Variants in UBE2D2 observed in about 807,000 individuals in gnomAD.
The protein encoded by UBE2D2 is ubiquitin conjugating enzyme E2 D2.
Under a neutral mutation model 24.2 loss-of-function variants are expected in UBE2D2, and 2 were observed. That is an observed-to-expected ratio of 0.08 (90% CI 0.03 to 0.26). The LOEUF is 0.26. Among genes scored for constraint, UBE2D2 ranks in the 10% least tolerant of loss-of-function variants. UBE2D2 has a pLI of 1.00. For synonymous variants in UBE2D2, 58 were observed against 56.5 expected, an observed-to-expected ratio of 1.03 and a Z score of -0.12; for missense variants, 44 against 177.6, an observed-to-expected ratio of 0.25 and a Z score of 4.28.
intron 4 of UBE2D2, 29 bp downstream of exon 4, chr5:139,614,803 A>G (rs369095302): frequency 1.9e-6 from 3 of 1,612,664 alleles, no homozygotes; most frequent in Admixed American, 1.7e-5. Flanking sequence ...GCAGTTTTTA[A>G]TGTACTTTCT....
chr5:139,609,699 A>T lies in UBE2D2; in HGVS notation c.89-4887A>T, dbSNP rs560432729. On this transcript the variant is annotated intron_variant, in intron 2 of 6. Transcript: ENST00000398733. ...CATCTCTATTTAAAAAAAAAAAAAA[A>T]TTAATATTTTATTAAGTGCTTTCTT... Among the ~76,000 whole-genome samples, 1,430 of 150,288 alleles carry T rather than the reference A, an allele frequency of 9.5e-3. 20 individuals are homozygous for T. The highest frequency in any genetic ancestry group is 0.032 in the African/African-American group (1,319 of 41,068).
chr5:139,565,072 C>T (rs1753189724), intron 1 of UBE2D2, among the ~76,000 whole-genome samples: 1 of 152,104 alleles, frequency 6.6e-6, no homozygotes. Context: ...CTTGAACCTT[C>T]CCAATTATCA....
intron 1 of UBE2D2, among the ~76,000 whole-genome samples, chr5:139,546,304 A>G (rs1752825644): frequency 6.6e-6 from 1 of 152,028 alleles, no homozygotes; most frequent in Admixed American, 6.6e-5. Context: ...GGCTTCCCAA[A>G]GTGCTGGGAT....
At chr5:139,560,199 ATTT>A (rs34150521), upstream of UBE2D2, among the ~76,000 whole-genome samples, 9 of 107,318 alleles carry the variant, frequency 8.4e-5, no homozygotes, top group African/African-American at 1.1e-4. Flanking sequence ...ACTCTCGGCT[ATTT>A]TTTTTTTTTT....
chr5:139,526,299 C>T (rs1416602349), upstream of UBE2D2: 2 of 152,338 alleles, frequency 1.3e-5, no homozygotes, highest in East Asian at 1.9e-4. Flanking sequence ...GCCCTTCCTT[C>T]TACAACTTGG....
chr5:139,626,360 A>T (rs1226019495), intron 6 of UBE2D2, among the ~76,000 whole-genome samples: 1 of 152,220 alleles, frequency 6.6e-6, no homozygotes, highest in Non-Finnish European at 1.5e-5. Flanking sequence ...GTGAGCCAAC[A>T]TGCCCAGCCT....
upstream of UBE2D2, among the ~76,000 whole-genome samples, chr5:139,559,855 G>A (rs1581489937): frequency 6.6e-6 from 1 of 152,176 alleles, no homozygotes; most frequent in Admixed American, 6.6e-5. Context: ...CTATTCTCCT[G>A]TGTAAGGCCT....
chr5:139,545,850 T>C (rs1752820225), intron 1 of UBE2D2, among the ~76,000 whole-genome samples: 1 of 151,136 alleles, frequency 6.6e-6, no homozygotes, highest in African/African-American at 2.4e-5. Flanking sequence ...CAGCCCCCTG[T>C]GTAGCTGGGA....
At chr5:139,532,852 A>G (rs1581477761) in intron 1 of UBE2D2, among the ~76,000 whole-genome samples, 1 of 151,922 alleles carries the variant, frequency 6.6e-6, no homozygotes, top group African/African-American at 2.4e-5. Context: ...CACTCCAGTA[A>G]TCCTAGCACT....
chr5:139,601,763 T>C (rs1281609390), intron 2 of UBE2D2, among the ~76,000 whole-genome samples: 5 of 151,830 alleles, frequency 3.3e-5, no homozygotes, highest in Non-Finnish European at 7.4e-5. Flanking sequence ...GAAAAAAATT[T>C]AGCCAGGCAT....
intron 1 of UBE2D2, among the ~76,000 whole-genome samples, chr5:139,575,337 C>T (rs1753444370): frequency 6.6e-6 from 1 of 152,148 alleles, no homozygotes; most frequent in African/African-American, 2.4e-5. Flanking sequence ...GGTGTCTTAA[C>T]ATGCCAATAA....
intron 1 of UBE2D2, among the ~76,000 whole-genome samples, chr5:139,548,193 A>AAAAAAAAAATAAAAAT: frequency 2.1e-5 from 1 of 47,114 alleles, no homozygotes; most frequent in East Asian, 6.6e-4. Context: ...ATAAAAAAAA[A>AAAAAAAAAATAAAAAT]AAATAAATAA....
intron 1 of UBE2D2, among the ~76,000 whole-genome samples, chr5:139,570,073 A>T (rs371113656): frequency 6.6e-6 from 1 of 152,116 alleles, no homozygotes; most frequent in Admixed American, 6.6e-5. Context: ...TTGGTCTGTA[A>T]TGGGAGACCC....
intron 1 of UBE2D2, among the ~76,000 whole-genome samples, chr5:139,565,948 A>G (rs1322311701): frequency 2.0e-5 from 3 of 152,136 alleles, no homozygotes; most frequent in African/African-American, 7.2e-5. Flanking sequence ...GTTGCAGATA[A>G]CGTTTGGCAT....
intron 6 of UBE2D2, 30 bp downstream of exon 6, chr5:139,623,491 C>T (rs780092192): frequency 6.5e-7 from 1 of 1,549,856 alleles, no homozygotes; most frequent in South Asian, 1.1e-5. Context: ...GGAAAGTTAT[C>T]TGTGGTGGGA....
chr5:139,619,357 C>G (rs1164490233), intron 5 of UBE2D2, among the ~76,000 whole-genome samples: 1 of 149,084 alleles, frequency 6.7e-6, no homozygotes, highest in African/African-American at 2.5e-5. Flanking sequence ...CATCACACCA[C>G]TGTGCTCCAG....
At chr5:139,595,892 GTTTTTTTTTT>G (rs70988709) in intron 1 of UBE2D2, among the ~76,000 whole-genome samples, 6 of 98,878 alleles carry the variant, frequency 6.1e-5, no homozygotes, top group Non-Finnish European at 9.8e-5. Flanking sequence ...GTTTTTTGTT[GTTTTTTTTTT>G]TTTTTTTTTG....
chr5:139,593,114 G>A (rs1204189899), intron 1 of UBE2D2, among the ~76,000 whole-genome samples: 1 of 150,292 alleles, frequency 6.7e-6, no homozygotes, highest in African/African-American at 2.5e-5. Context: ...TCCTCCCTCA[G>A]CCTCCTGAGT....
At chr5:139,589,294 C>T (rs184441002) in intron 1 of UBE2D2, among the ~76,000 whole-genome samples, 18 of 152,090 alleles carry the variant, frequency 1.2e-4, no homozygotes, top group East Asian at 7.7e-4. Context: ...CACGGTGGCT[C>T]GTGCTTGTAT....
Sources: allele counts gnomAD v4.1 joint callset (sites outside exome capture counted in the v4.1 genomes callset), GRCh38; gene constraint gnomAD v4.1.1; transcripts MANE v1.5; gene names NCBI Gene and HGNC (gene_info 2026-07-23, HGNC 2026-07-21).